The following CCDC198 variants were observed in gnomAD, a reference collection of about 807,000 sequenced individuals.
The protein encoded by CCDC198 is coiled-coil domain containing 198.
Under a neutral mutation model 35.6 loss-of-function variants are expected in CCDC198, and 18 were observed. That is an observed-to-expected ratio of 0.51 (90% CI 0.35 to 0.75). The LOEUF (loss-of-function observed/expected upper bound fraction) is 0.75. Ranked by LOEUF, CCDC198 falls within the 30% of genes least tolerant of loss-of-function variation. CCDC198 has a pLI of 0.01. For missense variants in CCDC198, 365 were observed against 343.7 expected (o/e 1.06, Z -0.49); for synonymous variants, 119 against 113.4 (o/e 1.05, Z -0.31).
chr14:57,476,864 C>T (rs1281414418), intron 5 of CCDC198, among the ~76,000 whole-genome samples: 1 of 152,186 alleles, frequency 6.6e-6, no homozygotes, highest in Non-Finnish European at 1.5e-5. Flanking sequence ...TAGGAGAAAG[C>T]GAACTACTTT....
At chr14:57,484,358 G>A (rs1032312497) in intron 2 of CCDC198, among the ~76,000 whole-genome samples, 7 of 152,130 alleles carry the variant, frequency 4.6e-5, no homozygotes, top group Non-Finnish European at 2.9e-5. Context: ...AGGTTGGGGC[G>A]ATGGTTCTTC....
At position 57,471,362 on chromosome 14, in the gene CCDC198, T is replaced by C. The variant is rs773095015; in HGVS notation, c.884A>G (p.Gln295Arg). ...GGTTAATGAATAGTATTCTTATTCT[T>C]GATCAAAAAACTCATCGAAAAGTGG... The part of the protein sequence containing the change: ...RIPLFDEFFD[Q>R]E Residue 295 changes from glutamine to arginine, a missense_variant, in exon 6 of 6, where the codon CAA becomes CGA. Transcript: ENST00000216445. The C allele has an allele frequency of 1.2e-6, 2 of 1,611,376 alleles. No individual in the cohort carries two copies. The highest frequency in any genetic ancestry group is 3.3e-5 in the Admixed American group (2 of 59,758).
In CCDC198 at chr14:57,471,632, T is replaced by C. The variant is rs201393747; in HGVS notation, c.656-42A>G. ...TTTCTTTAATTTTTTCCCTTAGCAA[T>C]GATTTATTTGTTTATTAAGTGCCTA... On this transcript the variant is annotated intron_variant, in intron 5 of 5. Coordinates refer to ENST00000216445, the MANE Select transcript of CCDC198 (RefSeq NM_018168.4). 1.5e-5 allele frequency: 17 copies of C among 1,166,400 alleles called. No homozygotes were observed. In the Admixed American group the frequency reaches 1.5e-4, roughly 11 times the overall value. 72.3% of individuals were successfully genotyped at this position (1,166,400 alleles called of 1,614,324 possible).
In CCDC198 at chr14:57,493,640, G is replaced by A. The variant is rs1385043953; in HGVS notation, c.76C>T (p.Pro26Ser). ...GCAAAGTCCACACGGCCAGCCGAGG[G>A]AGTCTCTACCTCTTTGTTTTGCAAA... is the stretch of plus-strand genomic sequence containing the variant. ...APLQNKEVET[P>S]SAGRVDFAFN... The change falls in exon 1 of 6, where the codon CCC (proline) becomes TCC (serine). Residue 26 changes from proline to serine, a missense_variant. Coordinates refer to ENST00000216445, the MANE Select transcript of CCDC198 (RefSeq NM_018168.4). 2 of 1,613,910 alleles carry A rather than the reference G, an allele frequency of 1.2e-6. No homozygotes were observed. The highest frequency in any genetic ancestry group is 1.7e-6 in the Non-Finnish European group (2 of 1,179,910).
At chr14:57,477,488 A>T (rs111541896) in intron 5 of CCDC198, among the ~76,000 whole-genome samples, 2,339 of 150,634 alleles carry the variant, frequency 0.016, 61 homozygotes, top group African/African-American at 0.053. Context: ...CGTGTATCTC[A>T]CACACACACA....
At chr14:57,472,823 T>C (rs1209533573) in intron 5 of CCDC198, among the ~76,000 whole-genome samples, 1 of 152,186 alleles carries the variant, frequency 6.6e-6, no homozygotes, top group Non-Finnish European at 1.5e-5. Flanking sequence ...GAAAGCTGGC[T>C]TTTAAGAAAA....
intron 5 of CCDC198, among the ~76,000 whole-genome samples, chr14:57,476,240 T>TTATATTCTTTCTCTCTC (rs2066993209): frequency 6.6e-6 from 1 of 152,188 alleles, no homozygotes; most frequent in Non-Finnish European, 1.5e-5. Context: ...TAACTAGAAT[T>TTATATTCTTTCTCTCTC]TAGCTATATT....
rs1425364711 is a variant in CCDC198, at chr14:57,483,124, C to T, written c.334G>A (p.Val112Ile). ...QKLEPIDLPR[V>I]ITSGRLLSQR... ...CTCAGGAGTCTTCCTGAAGTAATTA[C>T]TCGTGGCAAGTCAATGGGTTCAAGC... The change falls in exon 3 of 6, where the codon GTA (valine) becomes ATA (isoleucine). Residue 112 changes from valine to isoleucine, a missense_variant. Coordinates refer to ENST00000216445, the MANE Select transcript of CCDC198 (RefSeq NM_018168.4). The T allele has an allele frequency of 5.6e-6, 9 of 1,614,104 alleles. No homozygotes were observed. Among genetic ancestry groups the T allele is most frequent in the South Asian group, 1.1e-5 (1 of 91,084 alleles).
At chr14:57,491,672 T>G (rs572273782) in intron 1 of CCDC198, among the ~76,000 whole-genome samples, 9 of 152,204 alleles carry the variant, frequency 5.9e-5, no homozygotes, top group East Asian at 1.9e-4. Flanking sequence ...AAGCCTCTAT[T>G]AGGAAACAGA....
At position 57,483,142 on chromosome 14, in the gene CCDC198, G is replaced by T; in HGVS notation, c.316C>A (p.Pro106Thr). Residue 106 changes from proline (P) to threonine (T), a missense_variant, in exon 3 of 6, where the codon CCC (proline) becomes ACC (threonine). By Grantham distance (38) the Pro-to-Thr change is conservative (BLOSUM62 -1). Transcript: ENST00000216445. ...HPPQRLQKLE[P>T]IDLPRVITSG... The stretch of plus-strand genomic sequence containing the variant: ...GTAATTACTCGTGGCAAGTCAATGG[G>T]TTCAAGCTTCTAGAAGTTCAACGTT... The T allele has an allele frequency of 6.2e-7, 1 of 1,614,096 alleles. No homozygotes were observed. The highest frequency in any genetic ancestry group is 8.5e-7 in the Non-Finnish European group (1 of 1,179,964).
At chr14:57,491,822 A>G (rs1008621381) in intron 1 of CCDC198, among the ~76,000 whole-genome samples, 3 of 152,048 alleles carry the variant, frequency 2.0e-5, no homozygotes, top group African/African-American at 4.8e-5. Context: ...TGACTTCTAG[A>G]TTGTTTCATA....
At chr14:57,492,387 C>A (rs1425524191) in intron 1 of CCDC198, among the ~76,000 whole-genome samples, 2 of 151,914 alleles carry the variant, frequency 1.3e-5, no homozygotes, top group Admixed American at 1.3e-4. Flanking sequence ...CTCTCTCTGT[C>A]ACCAAAATCT....
intron 2 of CCDC198, among the ~76,000 whole-genome samples, chr14:57,484,719 G>A (rs999744953): frequency 1.3e-5 from 2 of 152,236 alleles, no homozygotes; most frequent in Non-Finnish European, 2.9e-5. Context: ...TGAGAGGTGA[G>A]GCAGGGGCCA....
intron 2 of CCDC198, among the ~76,000 whole-genome samples, chr14:57,484,129 G>T (rs1311426206): frequency 1.3e-5 from 2 of 152,172 alleles, no homozygotes; most frequent in African/African-American, 4.8e-5. Flanking sequence ...GGGTTGAATT[G>T]TGCCTCCCCA....
At chr14:57,490,921 T>C (rs2067542912) in intron 2 of CCDC198, 68 bp downstream of exon 2, 1 of 1,327,044 alleles carries the variant, frequency 7.5e-7, no homozygotes, top group Non-Finnish European at 1.1e-6. Context: ...TTGATGATTA[T>C]AGTTTAAAAA....
At chr14:57,482,799 C>G (rs1172089666) in intron 3 of CCDC198, among the ~76,000 whole-genome samples, 1 of 152,180 alleles carries the variant, frequency 6.6e-6, no homozygotes, top group East Asian at 1.9e-4. Context: ...AAAGTCTTTT[C>G]TCATCTACAT....
chr14:57,471,287 G>T lies in CCDC198; in HGVS notation c.*68C>A. ...TGTCCTCAAAGTAATTCATATATCA[G>T]TTTGGAAGATTTTGAGAGTAAAACA... is the stretch of plus-strand genomic sequence containing the variant. On this transcript the variant is annotated 3_prime_UTR_variant, in exon 6 of 6. Transcript: ENST00000216445. The T allele has an allele frequency of 8.6e-7, 1 of 1,163,598 alleles. No individual in the cohort carries two copies. The highest frequency in any genetic ancestry group is 1.3e-6 in the Non-Finnish European group (1 of 799,060). The allele number at this position is 1,163,598 out of a possible 1,614,324, so 72.1% of individuals were successfully genotyped here.
intron 2 of CCDC198, among the ~76,000 whole-genome samples, chr14:57,486,442 A>C (rs1281693625): frequency 6.6e-6 from 1 of 152,040 alleles, no homozygotes; most frequent in Non-Finnish European, 1.5e-5. Flanking sequence ...TATGTTATCC[A>C]AAATGGCTTA....
chr14:57,488,536 A>G (rs1020494964), intron 2 of CCDC198, among the ~76,000 whole-genome samples: 3 of 152,094 alleles, frequency 2.0e-5, no homozygotes, highest in Non-Finnish European at 4.4e-5. Context: ...TGTGGATCTC[A>G]TATTAAGTAT....
Sources: gnomAD v4.1 joint callset for allele counts (sites outside exome capture counted in the v4.1 genomes callset) on GRCh38, gnomAD v4.1.1 for gene constraint, MANE v1.5 for transcripts, NCBI Gene and HGNC (gene_info 2026-07-23, HGNC 2026-07-21) for gene names.